HIBADH: variants seen among roughly 807,000 people sequenced by gnomAD.
The protein encoded by HIBADH is 3-hydroxyisobutyrate dehydrogenase, also known as 3-hydroxyisobutyrate dehydrogenase, mitochondrial.
In HIBADH, 25 loss-of-function variants were observed where a neutral mutation model predicts 36.1. The ratio of observed to expected loss-of-function variants is 0.69; its 90% CI spans 0.50 to 0.97. The LOEUF is 0.97. HIBADH is among the 50% of genes least tolerant of loss of function. The pLI is 0.00. For synonymous variants in HIBADH, 160 were observed against 149.5 expected (o/e 1.07, Z -0.51); for missense variants, 421 against 418.0 (o/e 1.01, Z -0.06).
chr7:27,642,616 T>A (rs1368822515), intron 2 of HIBADH, among the ~76,000 whole-genome samples: 2 of 151,642 alleles, frequency 1.3e-5, no homozygotes, highest in Admixed American at 6.6e-5. Context: ...TCCTACTTAT[T>A]CTTTCGCTGT....
At chr7:27,639,847 T>C (rs143183111) in intron 2 of HIBADH, among the ~76,000 whole-genome samples, 2,455 of 152,288 alleles carry the variant, frequency 0.016, 55 homozygotes, top group African/African-American at 0.055. Context: ...CTTAAAGGCA[T>C]AAACAAGCTA....
At chr7:27,569,037 C>A (rs1015645953) in intron 4 of HIBADH, among the ~76,000 whole-genome samples, 1 of 151,382 alleles carries the variant, frequency 6.6e-6, no homozygotes, top group African/African-American at 2.4e-5. Flanking sequence ...TTACAGTCTT[C>A]TTCTTTTAGT....
intron 2 of HIBADH, among the ~76,000 whole-genome samples, chr7:27,642,488 G>C (rs1785976558): frequency 6.6e-6 from 1 of 152,064 alleles, no homozygotes; most frequent in Non-Finnish European, 1.5e-5. Flanking sequence ...TAAACTACTA[G>C]ACATTTGGTA....
At chr7:27,639,561 A>T (rs181905329) in intron 2 of HIBADH, among the ~76,000 whole-genome samples, 9 of 152,256 alleles carry the variant, frequency 5.9e-5, no homozygotes, top group Admixed American at 5.2e-4. Flanking sequence ...CCTATATAAC[A>T]AACCTGCACA....
chr7:27,613,172 T>TA (rs377147594), intron 4 of HIBADH, among the ~76,000 whole-genome samples: 9 of 7,844 alleles, frequency 1.1e-3, no homozygotes, highest in South Asian at 3.6e-3. Flanking sequence ...TATATTTATA[T>TA]AAATATATTT....
chr7:27,629,373 C>T lies in HIBADH; in HGVS notation c.482G>A (p.Gly161Asp). 5 of 1,609,254 alleles carry T rather than the reference C, an allele frequency of 3.1e-6. No individual in the cohort carries two copies. Among genetic ancestry groups the T allele is most frequent in the East Asian group, 2.2e-5 (1 of 44,670 alleles). Residue 161 changes from glycine to aspartate, a missense_variant and splice_region_variant, in exon 4 of 8, where the codon GGT (glycine) becomes GAT (aspartate). Physicochemically the swap from Gly to Asp is moderately conservative, Grantham distance 94. Transcript: ENST00000265395. The part of the protein sequence containing the change: ...GAVFMDAPVS[G>D]GVGAARSGNL... ...CATATATTTTAGCTACCACTTACCA[C>T]CAGAAACAGGGGCATCCATGAAAAC...
chr7:27,603,793 C>A (rs185806371), intron 4 of HIBADH, among the ~76,000 whole-genome samples: 2 of 152,174 alleles, frequency 1.3e-5, no homozygotes, highest in East Asian at 3.9e-4. Flanking sequence ...ATAAGATATG[C>A]AAAGACTCCC....
intron 2 of HIBADH, among the ~76,000 whole-genome samples, chr7:27,637,048 G>C (rs1785852506): frequency 6.6e-6 from 1 of 152,162 alleles, no homozygotes; most frequent in Admixed American, 6.5e-5. Flanking sequence ...AGTGGTGTTT[G>C]GGGTATGTTG....
intron 4 of HIBADH, among the ~76,000 whole-genome samples, chr7:27,617,877 T>C (rs1166938532): frequency 6.6e-6 from 1 of 152,120 alleles, no homozygotes; most frequent in Middle Eastern, 3.2e-3. Context: ...AAGACCTGAA[T>C]GGCTGTGGTG....
intron 4 of HIBADH, among the ~76,000 whole-genome samples, chr7:27,609,448 T>C (rs1297520565): frequency 1.3e-5 from 2 of 152,192 alleles, no homozygotes; most frequent in Non-Finnish European, 2.9e-5. Flanking sequence ...GTGCAAACTG[T>C]AGAAAATCCC....
intron 7 of HIBADH, among the ~76,000 whole-genome samples, chr7:27,529,629 A>G (rs1783962544): frequency 6.6e-6 from 1 of 152,232 alleles, no homozygotes; most frequent in Non-Finnish European, 1.5e-5. Flanking sequence ...TGGATGAGCA[A>G]AGAAAGTGGT....
intron 1 of HIBADH, among the ~76,000 whole-genome samples, chr7:27,652,645 T>C (rs1209251678): frequency 6.6e-6 from 1 of 152,210 alleles, no homozygotes; most frequent in East Asian, 1.9e-4. Context: ...GCAGATCCAG[T>C]GTCTGGTAGG....
chr7:27,635,424 C>T (rs559317952), intron 2 of HIBADH, among the ~76,000 whole-genome samples: 43 of 152,198 alleles, frequency 2.8e-4, no homozygotes, highest in African/African-American at 8.9e-4. Flanking sequence ...GCCAGAGACC[C>T]GGGTTAAGTT....
At chr7:27,654,501 A>G (rs1034495850) in intron 1 of HIBADH, among the ~76,000 whole-genome samples, 18 of 152,198 alleles carry the variant, frequency 1.2e-4, no homozygotes, top group African/African-American at 3.4e-4. Flanking sequence ...GAAAAAGATA[A>G]GGATAAAGGC....
At chr7:27,527,644 C>T (rs763084863) in intron 7 of HIBADH, among the ~76,000 whole-genome samples, 4 of 152,136 alleles carry the variant, frequency 2.6e-5, no homozygotes, top group Non-Finnish European at 5.9e-5. Context: ...ACTGTTTTTC[C>T]AACAGCATGT....
At chr7:27,567,847 G>A (rs933120512) in intron 4 of HIBADH, among the ~76,000 whole-genome samples, 3 of 152,036 alleles carry the variant, frequency 2.0e-5, no homozygotes, top group African/African-American at 7.2e-5. Flanking sequence ...GATGGCCTTC[G>A]ACTTAGTTTG....
intron 4 of HIBADH, among the ~76,000 whole-genome samples, chr7:27,600,102 A>G (rs1785103872): frequency 6.6e-6 from 1 of 151,988 alleles, no homozygotes; most frequent in Non-Finnish European, 1.5e-5. Context: ...CACATTTCTT[A>G]TTTTTCTTCA....
At chr7:27,639,193 G>A (rs1353556640) in intron 2 of HIBADH, among the ~76,000 whole-genome samples, 1 of 152,080 alleles carries the variant, frequency 6.6e-6, no homozygotes, top group Non-Finnish European at 1.5e-5. Flanking sequence ...CAACCTAAAT[G>A]CCCATCAATG....
intron 4 of HIBADH, among the ~76,000 whole-genome samples, chr7:27,583,480 C>T (rs1037995318): frequency 6.6e-6 from 1 of 151,924 alleles, no homozygotes; most frequent in African/African-American, 2.4e-5. Context: ...AAAAAGCTAC[C>T]TAATACCTAG....
Sources: gnomAD v4.1 joint callset for allele counts (sites outside exome capture counted in the v4.1 genomes callset) on GRCh38, gnomAD v4.1.1 for gene constraint, MANE v1.5 for transcripts, NCBI Gene and HGNC (gene_info 2026-07-23, HGNC 2026-07-21) for gene names.